The following GOLGB1 variants were observed in gnomAD, a reference collection of about 807,000 sequenced individuals.
The protein encoded by GOLGB1 is golgin subfamily B member 1.
Under a neutral mutation model 336.9 loss-of-function variants are expected in GOLGB1, and 174 were observed. The ratio of observed to expected loss-of-function variants is 0.52; its 90% CI spans 0.46 to 0.59. The LOEUF is 0.59. Ranked by LOEUF, GOLGB1 falls within the 20% of genes least tolerant of loss-of-function variation. GOLGB1 has a pLI of 0.00. For synonymous variants in GOLGB1, 1,208 were observed against 1,289.2 expected (o/e 0.94, Z 1.35); for missense variants, 3,331 against 3,645.3 (o/e 0.91, Z 2.22).
chr3:121,742,783 A>G (rs1946971513), intron 1 of GOLGB1, among the ~76,000 whole-genome samples: 1 of 152,212 alleles, frequency 6.6e-6, no homozygotes, highest in Admixed American at 6.5e-5. Flanking sequence ...AAAAAAAATA[A>G]CACCATCAAA....
At position 121,699,889 on chromosome 3, in the gene GOLGB1, A is replaced by T. The variant is rs776114763; in HGVS notation, c.1520-4T>A. 6.4e-7 allele frequency: 1 copy of T among 1,556,384 alleles called. No individual in the cohort carries two copies. The highest frequency in any genetic ancestry group is 1.1e-5 in the South Asian group (1 of 88,208). ...GTAATCTGAGAAGACAGTTTTTCTG[A>T]AAGTCACAAAATAAATATCTTTAGA... On this transcript the variant is annotated splice_region_variant and splice_polypyrimidine_tract_variant and intron_variant, in intron 11 of 21. Transcript: ENST00000614479.
Position 121,726,915 on chromosome 3 carries a change from G to A in GOLGB1, c.529C>T (p.Gln177Ter). The change falls in exon 5 of 22, where the codon CAG (glutamine) becomes TAG (stop). Residue 177 changes from glutamine to a stop codon, truncating the protein, a stop_gained and splice_region_variant. Transcript: ENST00000614479. LOFTEE classifies it high-confidence loss of function. ...LTQAQAEQPA[Q>*]SSTEMEEFVM... ...TATGAAGTAACTTCCACCCCTACCT[G>A]TGCAGGTTGTTCTGCCTGTGCCTGA... is the stretch of plus-strand genomic sequence containing the variant. 6.3e-7 allele frequency: 1 copy of A among 1,593,630 alleles called. No homozygotes were observed. Among genetic ancestry groups the A allele is most frequent in the Non-Finnish European group, 8.6e-7 (1 of 1,168,774 alleles).
intron 6 of GOLGB1, among the ~76,000 whole-genome samples, chr3:121,721,064 C>T (rs181051723): frequency 1.9e-4 from 29 of 152,066 alleles, no homozygotes; most frequent in African/African-American, 7.0e-4. Context: ...ATTTCTTCAT[C>T]CTGCACTGTA....
chr3:121,744,441 CAAAAAAAAAAA>C (rs11290154), intron 1 of GOLGB1, among the ~76,000 whole-genome samples: 2 of 73,096 alleles, frequency 2.7e-5, no homozygotes, highest in African/African-American at 5.3e-5. Flanking sequence ...ACTGTCTCTA[CAAAAAAAAAAA>C]AAAAAAAAAA....
chr3:121,727,000 C>G lies in GOLGB1; in HGVS notation c.444G>C (p.Lys148Asn). The G allele has an allele frequency of 6.3e-7, 1 of 1,599,048 alleles. No homozygotes were observed. Among genetic ancestry groups the G allele is most frequent in the Non-Finnish European group, 8.6e-7 (1 of 1,169,066 alleles). ...CCTTCTCCTGGAGCTTATGTTTTAT[C>G]TTTTCTATTTCCATCTCTTCCTCTG... ...SSTEEEMEIE[K>N]IKHKLQEKEE... Residue 148 changes from lysine to asparagine, a missense_variant, in exon 5 of 22, where the codon AAG becomes AAC. By Grantham distance (94) the Lys-to-Asn change is moderately conservative (BLOSUM62 0). Coordinates refer to ENST00000614479, the MANE Select transcript of GOLGB1 (RefSeq NM_001366282.2).
intron 14 of GOLGB1, 62 bp downstream of exon 14, chr3:121,690,608 T>C (rs745412213): frequency 2.9e-5 from 24 of 833,454 alleles, no homozygotes; most frequent in Non-Finnish European, 3.8e-5. Flanking sequence ...TCTATAAAAA[T>C]AAATTTAAAG....
In GOLGB1 at chr3:121,697,511, A is replaced by G. The variant is rs1943049193; in HGVS notation, c.3012T>C (p.Leu1004=). 1 of 1,612,754 alleles carries G rather than the reference A, an allele frequency of 6.2e-7. No individual in the cohort carries two copies. Among genetic ancestry groups the G allele is most frequent in the Non-Finnish European group, 8.5e-7 (1 of 1,179,750 alleles). ...EQRKRKLQAA[L]INRKELLQRV... is the part of the protein sequence containing the mutation. Reference sequence around the variant, plus strand: ...TTTGCAGAAGCTCCTTTCTGTTAATAAGAGCTGCCTGGAGCTTTCTCTTTC... The same window carrying G: ...TTTGCAGAAGCTCCTTTCTGTTAATGAGAGCTGCCTGGAGCTTTCTCTTTC... The change falls in exon 13 of 22, where the codon CTT becomes CTC. Residue 1004 remains leucine (L), a synonymous_variant. Coordinates refer to ENST00000614479, the MANE Select transcript of GOLGB1 (RefSeq NM_001366282.2).
intron 14 of GOLGB1, among the ~76,000 whole-genome samples, chr3:121,688,386 C>A (rs961709349): frequency 7.9e-5 from 12 of 152,268 alleles, no homozygotes; most frequent in African/African-American, 2.7e-4. Context: ...CGGGGTTTCG[C>A]TGTGTTGGCC....
Position 121,668,152 on chromosome 3 carries a change from G to A in GOLGB1, c.9328C>T (p.Leu3110=). The change falls in exon 19 of 22, where the codon CTA becomes TTA. Residue 3110 remains leucine (L), a synonymous_variant. Transcript: ENST00000614479. ...GCTCCTGGAGCAACATCTATATTTA[G>A]TGGCCCCTGGAAGAAGAATAAGCTT... The part of the protein sequence containing the change: ...KQVQELQAGP[L]NIDVAPGAPQ... 2 of 1,574,718 alleles carry A rather than the reference G, an allele frequency of 1.3e-6. No homozygotes were observed. Among genetic ancestry groups the A allele is most frequent in the Non-Finnish European group, 1.7e-6 (2 of 1,149,756 alleles).
chr3:121,681,436 A>G (rs1369017844), intron 15 of GOLGB1, among the ~76,000 whole-genome samples: 1 of 152,198 alleles, frequency 6.6e-6, no homozygotes, highest in East Asian at 1.9e-4. Flanking sequence ...ACAAAATTGC[A>G]TAGAACCACA....
At chr3:121,707,110 C>T (rs1023347324) in intron 10 of GOLGB1, among the ~76,000 whole-genome samples, 1 of 151,094 alleles carries the variant, frequency 6.6e-6, no homozygotes, top group Admixed American at 6.6e-5. Flanking sequence ...GCCTGTAGTC[C>T]CAGCTACTCG....
intron 5 of GOLGB1, among the ~76,000 whole-genome samples, chr3:121,725,266 G>A (rs1024299782): frequency 6.6e-6 from 1 of 152,226 alleles, no homozygotes; most frequent in African/African-American, 2.4e-5. Flanking sequence ...AATGCTGGCT[G>A]GACTAAGCCC....
At chr3:121,702,370 C>T (rs1943481740) in intron 11 of GOLGB1, 111 bp downstream of exon 11, 2 of 433,220 alleles carry the variant, frequency 4.6e-6, no homozygotes, top group Middle Eastern at 5.7e-4. Context: ...TTATCTAAAT[C>T]TTTATTATCA....
At chr3:121,737,974 T>G (rs1192686468) in intron 1 of GOLGB1, among the ~76,000 whole-genome samples, 18 of 152,078 alleles carry the variant, frequency 1.2e-4, no homozygotes, top group Admixed American at 1.2e-3. Flanking sequence ...CATACATGAG[T>G]ACATAGGGCC....
Position 121,692,392 on chromosome 3 carries a change from G to C in GOLGB1, c.6972C>G (p.Asp2324Glu). 1 of 1,612,144 alleles carries C rather than the reference G, an allele frequency of 6.2e-7. No homozygotes were observed. Among genetic ancestry groups the C allele is most frequent in the Non-Finnish European group, 8.5e-7 (1 of 1,179,516 alleles). The part of the protein sequence containing the change: ...KLESELKSLK[D>E]QLTDLSNSLE... ...AAGAGTTACTTAAATCAGTCAACTG[G>C]TCTTTGAGACTCTTAAGTTCTGATT... Residue 2324 changes from aspartate (D) to glutamate (E), a missense_variant, in exon 14 of 22, where the codon GAC becomes GAG. Transcript: ENST00000614479.
rs541101022 is a variant in GOLGB1 at position 121,728,169 on chromosome 3, T to C, written c.402+1019A>G. Among the ~76,000 whole-genome samples, 4 of 152,222 alleles carry C rather than the reference T, an allele frequency of 2.6e-5. No individual in the cohort carries two copies. The South Asian group carries it at 6.2e-4, about 24-fold the overall frequency. On this transcript the variant is annotated intron_variant, in intron 4 of 21. Coordinates refer to ENST00000614479, the MANE Select transcript of GOLGB1 (RefSeq NM_001366282.2). ...AAAGAAGGATCAAGGTGAAATTATT[T>C]GAGAAGATTGAGAAAAGCTTTTAAA...
intron 10 of GOLGB1, among the ~76,000 whole-genome samples, chr3:121,713,881 AATGTATTATAAATTTAAGATG>A (rs1944543082): frequency 2.0e-5 from 3 of 152,234 alleles, no homozygotes; most frequent in Non-Finnish European, 4.4e-5. Context: ...CTTACAGTGA[AATGTATTATAAATTTAAGATG>A]AACTGATGGA....
At chr3:121,688,996 C>A (rs536799163) in intron 14 of GOLGB1, among the ~76,000 whole-genome samples, 1 of 151,940 alleles carries the variant, frequency 6.6e-6, no homozygotes, top group East Asian at 2.0e-4. Context: ...CCGGCAGCCA[C>A]CCCCTCCGGG....
At position 121,668,084 on chromosome 3, in the gene GOLGB1, C is replaced by A. The variant is rs762841332; in HGVS notation, c.9396G>T (p.Glu3132Asp). Residue 3132 changes from glutamate to aspartate, a missense_variant, in exon 19 of 22, where the codon GAG becomes GAT. Glu to Asp is a conservative substitution (Grantham distance 45). Transcript: ENST00000614479. ...KNGVHRKSDP[E>D]ELREPQQSFS... Reference sequence around the variant, plus strand: ...ACCTTTGCTGCGGTTCCCTTAGTTCCTCAGGGTCACTCTTTCTGTGAACTC... The same window carrying A: ...ACCTTTGCTGCGGTTCCCTTAGTTCATCAGGGTCACTCTTTCTGTGAACTC... 2.5e-6 allele frequency: 4 copies of A among 1,605,606 alleles called. No homozygotes were observed. In the South Asian group the frequency reaches 4.4e-5, roughly 18 times the overall value.
Sources: allele counts gnomAD v4.1 joint callset (sites outside exome capture counted in the v4.1 genomes callset), GRCh38; gene constraint gnomAD v4.1.1; transcripts MANE v1.5; gene names NCBI Gene and HGNC (gene_info 2026-07-23, HGNC 2026-07-21).